The following IREB2 variants were observed in gnomAD, a reference collection of about 807,000 sequenced individuals.
IREB2 encodes iron responsive element binding protein 2, also known as iron-responsive element-binding protein 2.
IREB2 carries 39 observed loss-of-function variants against 118.8 expected under a neutral mutation model. The observed-to-expected ratio is 0.33, with a 90% CI of 0.25 to 0.43. The LOEUF (loss-of-function observed/expected upper bound fraction) is 0.43, where lower values mean the gene tolerates loss of function less well. IREB2 is among the 20% of genes least tolerant of loss of function. IREB2 has a pLI of 1.00. For missense variants in IREB2, 900 were observed against 1,147.3 expected, an observed-to-expected ratio of 0.78 and a Z score of 3.11; for synonymous variants, 372 against 392.2, an observed-to-expected ratio of 0.95 and a Z score of 0.61.
chr15:78,452,852 T>G (rs2051048245), intron 2 of IREB2, among the ~76,000 whole-genome samples: 1 of 152,226 alleles, frequency 6.6e-6, no homozygotes, highest in Non-Finnish European at 1.5e-5. Flanking sequence ...GGCACCCAAC[T>G]CCTGGATCAG....
At chr15:78,467,217 A>AC (rs1420045707) in intron 5 of IREB2, among the ~76,000 whole-genome samples, 1 of 151,798 alleles carries the variant, frequency 6.6e-6, no homozygotes, top group Non-Finnish European at 1.5e-5. Flanking sequence ...GCAAAAAAAA[A>AC]AAAAAAAAGA....
At chr15:78,458,113 A>G (rs1040573444) in intron 2 of IREB2, among the ~76,000 whole-genome samples, 7 of 152,226 alleles carry the variant, frequency 4.6e-5, no homozygotes, top group Admixed American at 2.6e-4. Context: ...CAACTTAGTC[A>G]CTTTCCAAAG....
intron 10 of IREB2, among the ~76,000 whole-genome samples, chr15:78,481,975 T>G (rs1053478711): frequency 6.6e-6 from 1 of 152,350 alleles, no homozygotes. Context: ...GGTGTGGTTA[T>G]TCTTGCGTGT....
rs577400306 is a variant in IREB2 at position 78,500,517 on chromosome 15, C to T, written c.*2374C>T. On this transcript the variant is annotated 3_prime_UTR_variant, in exon 22 of 22. Coordinates refer to ENST00000258886, the MANE Select transcript of IREB2 (RefSeq NM_004136.4). ...GTCTGTGTCTTCTTTGTTTACTATA[C>T]CTTGGGTAATTTTGTGTTACCAAAA... 8 of 142,120 alleles carry T rather than the reference C, an allele frequency of 5.6e-5. No individual in the cohort carries two copies. In the Admixed American group the frequency reaches 5.8e-4, roughly 10 times the overall value. The allele number at this position is 142,120 out of a possible 1,614,324, so 8.8% of individuals were successfully genotyped here.
chr15:78,449,217 A>AT (rs1175558597), intron 2 of IREB2, among the ~76,000 whole-genome samples: 1 of 152,110 alleles, frequency 6.6e-6, no homozygotes, highest in Non-Finnish European at 1.5e-5. Flanking sequence ...AATAAAAAAA[A>AT]TTTTTTTAAG....
At chr15:78,445,475 AACTC>A (rs1261721159) in intron 2 of IREB2, among the ~76,000 whole-genome samples, 1 of 152,196 alleles carries the variant, frequency 6.6e-6, no homozygotes, top group East Asian at 1.9e-4. Flanking sequence ...AAAGAACAAA[AACTC>A]ACTCAAGTAA....
chr15:78,441,114 A>G (rs990285824), intron 2 of IREB2, among the ~76,000 whole-genome samples: 14 of 152,132 alleles, frequency 9.2e-5, no homozygotes, highest in African/African-American at 3.4e-4. Flanking sequence ...ATTTTTCTGT[A>G]GATTTTGAGG....
intron 2 of IREB2, among the ~76,000 whole-genome samples, chr15:78,442,728 A>C (rs1847529): frequency 0.37 from 55,541 of 152,076 alleles, 10,868 homozygotes; most frequent in East Asian, 0.48. Flanking sequence ...GTGCAGCACC[A>C]ATCTCCGCAA....
Position 78,470,592 on chromosome 15 carries a change from GT to G in IREB2, c.696del (p.Phe232LeufsTer13). 6.5e-7 allele frequency: 1 copy of G among 1,540,748 alleles called. No individual in the cohort carries two copies. Among genetic ancestry groups the G allele is most frequent in the Admixed American group, 1.7e-5 (1 of 58,150 alleles). ...EFGRNRERLQ[F>X]FKWSSRVFKN... Reference sequence around the variant, plus strand: ...TCGGCAGAAATCGAGAGAGGCTTCAGTTTTTTAAGGTATAAATGATTCAGGG... The same window carrying G: ...TCGGCAGAAATCGAGAGAGGCTTCAGTTTTTAAGGTATAAATGATTCAGGG... On this transcript the variant is annotated frameshift_variant, in exon 6 of 22. Transcript: ENST00000258886. LOFTEE classifies it high-confidence loss of function.
intron 10 of IREB2, among the ~76,000 whole-genome samples, chr15:78,479,399 A>ATT (rs1158698299): frequency 0.037 from 4,842 of 130,740 alleles, 280 homozygotes; most frequent in African/African-American, 0.12. Flanking sequence ...TGGTTTTTGG[A>ATT]TTTTTTTTTT....
At chr15:78,483,202 T>C in intron 10 of IREB2, 116 bp from the exon 11 acceptor site, 1 of 558,766 alleles carries the variant, frequency 1.8e-6, no homozygotes, top group South Asian at 2.7e-5. Flanking sequence ...TTAAAATAAA[T>C]TGCATTAAAA....
chr15:78,453,486 G>A (rs2051057477), intron 2 of IREB2, among the ~76,000 whole-genome samples: 2 of 152,122 alleles, frequency 1.3e-5, no homozygotes, highest in Admixed American at 1.3e-4. Context: ...AAATGTTGAT[G>A]GGAAGAAACC....
At chr15:78,454,550 T>G (rs1319577531) in intron 2 of IREB2, among the ~76,000 whole-genome samples, 1 of 152,144 alleles carries the variant, frequency 6.6e-6, no homozygotes, top group Non-Finnish European at 1.5e-5. Flanking sequence ...GAGAGATCTG[T>G]TGGGATGATG....
chr15:78,490,293 A>T, intron 16 of IREB2, 129 bp from the exon 17 acceptor site: 1 of 559,954 alleles, frequency 1.8e-6, no homozygotes, highest in Non-Finnish European at 3.2e-6. Context: ...TTCCAAATGG[A>T]TAAGGCCTAT....
At chr15:78,494,326 A>G (rs2051803104) in intron 20 of IREB2, 62 bp downstream of exon 20, 4 of 1,503,968 alleles carry the variant, frequency 2.7e-6, no homozygotes, top group Non-Finnish European at 3.6e-6. Context: ...CCCTTTTGTC[A>G]GTAACATCCT....
At chr15:78,443,561 T>A (rs1395042992) in intron 2 of IREB2, among the ~76,000 whole-genome samples, 1 of 152,212 alleles carries the variant, frequency 6.6e-6, no homozygotes, top group Non-Finnish European at 1.5e-5. Flanking sequence ...TAGACATTGA[T>A]TACATTTTGA....
At chr15:78,448,740 G>A (rs991345648) in intron 2 of IREB2, among the ~76,000 whole-genome samples, 4 of 152,182 alleles carry the variant, frequency 2.6e-5, no homozygotes, top group Admixed American at 6.5e-5. Context: ...ATGCTGGCTG[G>A]TTTCTGCTCT....
At chr15:78,480,218 G>T (rs947595265) in intron 10 of IREB2, 8 of 152,078 alleles carry the variant, frequency 5.3e-5, no homozygotes, top group Non-Finnish European at 8.8e-5. Context: ...GTGCTACTTT[G>T]GGCAAATCTT....
In IREB2 at chr15:78,462,233, T is replaced by C. The variant is rs78388917; in HGVS notation, c.107-689T>C. 3.8e-3 allele frequency among the ~76,000 whole-genome samples: 574 copies of C among 152,338 alleles called. 24 individuals carry two copies. The East Asian group carries it at 0.095, about 25-fold the overall frequency. ...CTCTTCACTCCTTTAAACAGCTGCA[T>C]GGTAATCCATTGTGTGGATTACAGT... On this transcript the variant is annotated intron_variant, in intron 2 of 21. Coordinates refer to ENST00000258886, the MANE Select transcript of IREB2 (RefSeq NM_004136.4).
Sources: gnomAD v4.1 joint callset for allele counts (sites outside exome capture counted in the v4.1 genomes callset) on GRCh38, gnomAD v4.1.1 for gene constraint, MANE v1.5 for transcripts, NCBI Gene and HGNC (gene_info 2026-07-23, HGNC 2026-07-21) for gene names.